The following MAGT1 variants were observed in gnomAD, a reference collection of about 807,000 sequenced individuals.
MAGT1 encodes dolichyl-diphosphooligosaccharide--protein glycosyltransferase subunit MAGT1.
A neutral mutation model predicts 28.4 loss-of-function variants in MAGT1; 4 were observed. The observed-to-expected ratio is 0.14, with a 90% CI of 0.07 to 0.32. The LOEUF (loss-of-function observed/expected upper bound fraction) is 0.32, where lower values mean the gene tolerates loss of function less well. MAGT1 is among the 10% of genes least tolerant of loss of function. The probability of loss-of-function intolerance (pLI) is 1.00; values close to 1 mark genes in which losing one functional copy is unlikely to be tolerated. For synonymous variants in MAGT1, 89 were observed against 89.7 expected, an observed-to-expected ratio of 0.99 and a Z score of 0.04; for missense variants, 193 against 264.5, an observed-to-expected ratio of 0.73 and a Z score of 1.88.
In MAGT1 at chrX:77,862,748, A is replaced by G. The variant is rs113882771; in HGVS notation, c.391-5251T>C. 3.8e-3 allele frequency among the ~76,000 whole-genome samples: 429 copies of G among 111,572 alleles called. 3 individuals carry two copies. Among genetic ancestry groups the G allele is most frequent in the African/African-American group, 0.013 (402 of 30,782 alleles). On this transcript the variant is annotated intron_variant, in intron 3 of 9. Coordinates refer to ENST00000618282, the MANE Select transcript of MAGT1 (RefSeq NM_001367916.1). ...TGGCCATTATTATTATTATTAGAAA[A>G]GCTCCTTTTCTGCTCATCTGTCTGT... is the stretch of plus-strand genomic sequence containing the variant.
chrX:77,876,149 TATATATATATATATA>T (rs1453518176), intron 1 of MAGT1, among the ~76,000 whole-genome samples: 1 of 30,101 alleles, frequency 3.3e-5, no homozygotes, highest in African/African-American at 1.1e-4. Flanking sequence ...TATATATATA[TATATATATATATATA>T]TTTTTTTTTT....
chrX:77,851,742 C>G (rs1173064555), intron 7 of MAGT1, among the ~76,000 whole-genome samples: 3 of 111,006 alleles, frequency 2.7e-5, no homozygotes, highest in African/African-American at 9.8e-5. Flanking sequence ...GCCGCGAACT[C>G]CTGACCTCAA....
chrX:77,837,572 G>T (rs2076922944), intron 8 of MAGT1, among the ~76,000 whole-genome samples: 1 of 110,514 alleles, frequency 9.0e-6, no homozygotes, highest in Non-Finnish European at 1.9e-5. Context: ...CTCACAAGTA[G>T]CTGGGACTAC....
At position 77,857,411 on chromosome X, in the gene MAGT1, C is replaced by T. The variant is rs1557216099; in HGVS notation, c.477G>A (p.Arg159=). 8.3e-7 allele frequency: 1 copy of T among 1,211,791 alleles called. No individual in the cohort carries two copies. The highest frequency in any genetic ancestry group is 2.2e-5 in the Admixed American group (1 of 46,011). The part of the protein sequence containing the change: ...KRGDTYELQV[R]GFSAEQIARW... ...GGGCAATCTGCTCAGCTGAAAAACC[C>T]CGCACCTGTAACTCATATGTATCAC... Residue 159 remains arginine, a synonymous_variant, in exon 4 of 10, where the codon CGG becomes CGA. Coordinates refer to ENST00000618282, the MANE Select transcript of MAGT1 (RefSeq NM_001367916.1).
chrX:77,887,844 GC>G (rs2077071704), intron 1 of MAGT1, among the ~76,000 whole-genome samples: 1 of 112,185 alleles, frequency 8.9e-6, no homozygotes. Context: ...GTCTTGCTCT[GC>G]CACCCAGGCT....
chrX:77,855,617 T>G (rs782516047), intron 5 of MAGT1, 27 bp from the exon 6 acceptor site: 13 of 1,062,514 alleles, frequency 1.2e-5, no homozygotes, highest in Non-Finnish European at 1.6e-5. Context: ...TAATAAAATA[T>G]TCATGGTCAA....
At chrX:77,845,643 A>C (rs2076949315) in intron 7 of MAGT1, among the ~76,000 whole-genome samples, 1 of 111,399 alleles carries the variant, frequency 9.0e-6, no homozygotes, top group South Asian at 3.8e-4. Flanking sequence ...GTGGTGACAA[A>C]ATCTCTCAGC....
rs184581617 is a variant in MAGT1, at chrX:77,869,660, A to G, written c.390+1148T>C. ...AACATCACTAATTATCAGGGAAATC[A>G]AAACCACAATGAAATACTACTTTAC... is the stretch of plus-strand genomic sequence containing the variant. On this transcript the variant is annotated intron_variant, in intron 3 of 9. Coordinates refer to ENST00000618282, the MANE Select transcript of MAGT1 (RefSeq NM_001367916.1). Among the ~76,000 whole-genome samples the G allele has an allele frequency of 4.0e-4, 44 of 110,871 alleles. No homozygotes were observed. In the East Asian group the frequency reaches 0.01, roughly 26 times the overall value.
At chrX:77,863,013 A>G (rs1557216573) in intron 3 of MAGT1, among the ~76,000 whole-genome samples, 1 of 109,519 alleles carries the variant, frequency 9.1e-6, no homozygotes, top group Admixed American at 9.9e-5. Flanking sequence ...CTAAAAATAC[A>G]AAAATTAGCT....
intron 7 of MAGT1, among the ~76,000 whole-genome samples, chrX:77,850,988 T>C (rs1159393911): frequency 1.8e-5 from 2 of 108,112 alleles, no homozygotes; most frequent in East Asian, 5.8e-4. Context: ...TTTTTTTTTC[T>C]TTGAGACAGA....
rs2076883157 is a variant in MAGT1 at position 77,826,450 on chromosome X, A to G, written c.*2770T>C. 1 of 112,412 alleles carries G rather than the reference A, an allele frequency of 8.9e-6. No homozygotes were observed. Among genetic ancestry groups the G allele is most frequent in the South Asian group, 3.6e-4 (1 of 2,756 alleles). 9.3% of individuals were successfully genotyped at this position (112,412 alleles called of 1,213,427 possible). A position where few individuals can be genotyped will look rare whatever the true frequency, so the allele number is the denominator to read the frequency against. On this transcript the variant is annotated 3_prime_UTR_variant, in exon 10 of 10. Coordinates refer to ENST00000618282, the MANE Select transcript of MAGT1 (RefSeq NM_001367916.1). The stretch of plus-strand genomic sequence containing the variant: ...TTGCCACTACAATGTGTCATTCTGA[A>G]CTGTATCTTAAAAATGCATAACAAA...
chrX:77,852,849 C>T (rs1023195088), intron 7 of MAGT1, among the ~76,000 whole-genome samples: 3 of 111,533 alleles, frequency 2.7e-5, no homozygotes, highest in Admixed American at 9.7e-5. Context: ...CTACCCATCA[C>T]AGCCTCCAAA....
chrX:77,869,134 G>A (rs1266291774), intron 3 of MAGT1, among the ~76,000 whole-genome samples: 1 of 111,239 alleles, frequency 9.0e-6, no homozygotes, highest in Non-Finnish European at 1.9e-5. Flanking sequence ...TCATGCCTCA[G>A]CATCCCGAGT....
chrX:77,895,258 T>C (rs782328320), intron 1 of MAGT1, 51 bp downstream of exon 1: 1 of 1,176,752 alleles, frequency 8.5e-7, no homozygotes, highest in African/African-American at 1.8e-5. Flanking sequence ...CAGACCCTCT[T>C]AAGCCCCAGT....
chrX:77,855,429 C>G (rs782582371), intron 6 of MAGT1, 72 bp downstream of exon 6: 2 of 753,861 alleles, frequency 2.7e-6, no homozygotes, highest in South Asian at 4.4e-5. Flanking sequence ...TATGCTGGCA[C>G]TGTTCTCACA....
chrX:77,858,925 A>G (rs1323448122), intron 3 of MAGT1, among the ~76,000 whole-genome samples: 2 of 110,945 alleles, frequency 1.8e-5, no homozygotes, highest in African/African-American at 6.5e-5. Context: ...AAAAATAAAA[A>G]CTGGCCGGGT....
chrX:77,887,154 C>T (rs782355348), intron 1 of MAGT1, among the ~76,000 whole-genome samples: 2 of 111,422 alleles, frequency 1.8e-5, no homozygotes, highest in East Asian at 5.6e-4. Context: ...AGTTCAGTGG[C>T]ATGATTGTTA....
At chrX:77,861,359 A>AAAAC (rs781857582) in intron 3 of MAGT1, among the ~76,000 whole-genome samples, 60 of 111,858 alleles carry the variant, frequency 5.4e-4, no homozygotes, top group East Asian at 2.0e-3. Context: ...GCTATTATCC[A>AAAAC]AAACAAACAA....
In MAGT1 at chrX:77,870,521, C is replaced by A. The variant is rs1301302916; in HGVS notation, c.390+287G>T. On this transcript the variant is annotated intron_variant, in intron 3 of 9. Transcript: ENST00000618282. ...GACTCGTGCTGTGATTTAAAAAATT[C>A]CTTAATAAATTATATACTTAAAATG... Among the ~76,000 whole-genome samples the A allele has an allele frequency of 2.7e-5, 3 of 111,044 alleles. No homozygotes were observed. In the Admixed American group the frequency reaches 2.9e-4, roughly 11 times the overall value.
Sources: allele counts gnomAD v4.1 joint callset (sites outside exome capture counted in the v4.1 genomes callset), GRCh38; gene constraint gnomAD v4.1.1; transcripts MANE v1.5; gene names NCBI Gene and HGNC (gene_info 2026-07-23, HGNC 2026-07-21).